The following BANP variants were observed in gnomAD, a reference collection of about 807,000 sequenced individuals.
BANP encodes protein BANP.
Under a neutral mutation model 68.1 loss-of-function variants are expected in BANP, and 11 were observed. The observed-to-expected ratio is 0.16, with a 90% CI of 0.10 to 0.27. The LOEUF (loss-of-function observed/expected upper bound fraction) is 0.27. Among genes scored for constraint, BANP ranks in the 10% least tolerant of loss-of-function variants. BANP has a pLI of 1.00. For synonymous variants in BANP, 329 were observed against 303.2 expected (o/e 1.09, Z -0.88); for missense variants, 504 against 722.7 (o/e 0.70, Z 3.47).
intron 11 of BANP, among the ~76,000 whole-genome samples, chr16:88,059,787 T>G (rs1478068692): frequency 6.6e-6 from 1 of 152,208 alleles, no homozygotes; most frequent in Non-Finnish European, 1.5e-5. Context: ...ACACATGCCA[T>G]GCCCCCTCCT....
At chr16:87,953,588 C>T (rs73240736) in intron 1 of BANP, among the ~76,000 whole-genome samples, 3,153 of 152,254 alleles carry the variant, frequency 0.021, 100 homozygotes, top group African/African-American at 0.071. Flanking sequence ...ACTCTTCTAT[C>T]CCCTGGACTG....
chr16:87,967,709 C>A (rs1055280697), intron 1 of BANP, among the ~76,000 whole-genome samples: 2 of 151,584 alleles, frequency 1.3e-5, no homozygotes, highest in African/African-American at 4.9e-5. Context: ...GCAGCCTCCG[C>A]CTCCTGGGTT....
At chr16:87,976,428 C>T (rs1292882588) in intron 2 of BANP, among the ~76,000 whole-genome samples, 2 of 148,830 alleles carry the variant, frequency 1.3e-5, no homozygotes, top group African/African-American at 5.0e-5. Context: ...GGAACTTCAT[C>T]TCTTCATCTG....
chr16:88,037,487 A>G lies in BANP; in HGVS notation c.1273-486A>G, dbSNP rs139532819. 105 of 158,272 alleles carry G rather than the reference A, an allele frequency of 6.6e-4. 3 individuals are homozygous for G. In the East Asian group the frequency reaches 0.018, roughly 27 times the overall value. The allele number at this position is 158,272 out of a possible 1,614,324, so 9.8% of individuals were successfully genotyped here. A position where few individuals can be genotyped will look rare whatever the true frequency, so the allele number is the denominator to read the frequency against. On this transcript the variant is annotated intron_variant, in intron 10 of 13. Transcript: ENST00000682872. The stretch of plus-strand genomic sequence containing the variant: ...ACAGACAACACAGTTCCTTTTTACA[A>G]CAAATGAAAATGAATTTCTAACTGG...
rs547398093 is a variant in BANP at position 87,994,593 on chromosome 16, A to G, written c.363-9702A>G. ...TATTAGGAAGAACATTTTAATGCCG[A>G]TTTATTTTTATCCCTGGGTATTTTT... On this transcript the variant is annotated intron_variant, in intron 4 of 13. Transcript: ENST00000682872. Among the ~76,000 whole-genome samples the G allele has an allele frequency of 7.8e-4, 119 of 152,248 alleles. 2 individuals are homozygous for G. Among genetic ancestry groups the G allele is most frequent in the Non-Finnish European group, 2.9e-4 (20 of 68,018 alleles).
At position 88,008,200 on chromosome 16, in the gene BANP, C is replaced by T. The variant is rs76404026; in HGVS notation, c.655+1935C>T. On this transcript the variant is annotated intron_variant, in intron 6 of 13. Coordinates refer to ENST00000682872, the MANE Select transcript of BANP (RefSeq NM_001386991.1). ...GTGATGTGCCGAGGTATGGATGGCC[C>T]TCATTCTGTTGATCCATCATCAGTT... Among the ~76,000 whole-genome samples, 1,414 of 152,284 alleles carry T rather than the reference C, an allele frequency of 9.3e-3. 37 individuals carry two copies. Among genetic ancestry groups the T allele is most frequent in the Admixed American group, 0.053 (817 of 15,286 alleles).
chr16:87,998,076 C>T (rs555325535), intron 4 of BANP, among the ~76,000 whole-genome samples: 4 of 152,298 alleles, frequency 2.6e-5, no homozygotes, highest in Admixed American at 1.3e-4. Flanking sequence ...TGTGAACCAG[C>T]GGGTCGAGAG....
At chr16:87,981,202 A>G in intron 3 of BANP, 75 bp downstream of exon 3, 3 of 1,088,682 alleles carry the variant, frequency 2.8e-6, no homozygotes, top group African/African-American at 1.5e-5. Flanking sequence ...ATCACCATCA[A>G]TGGGATGGCT....
intron 6 of BANP, among the ~76,000 whole-genome samples, chr16:88,012,179 G>C (rs2073327069): frequency 6.6e-6 from 1 of 152,222 alleles, no homozygotes; most frequent in African/African-American, 2.4e-5. Flanking sequence ...CCTGGCGCTG[G>C]AAGCATTTTG....
intron 4 of BANP, among the ~76,000 whole-genome samples, chr16:87,986,176 C>G (rs887695044): frequency 6.6e-6 from 1 of 152,162 alleles, no homozygotes; most frequent in South Asian, 2.1e-4. Context: ...CATTGAGAAC[C>G]ACTGTTTTAA....
chr16:87,984,396 A>T, intron 4 of BANP, 137 bp downstream of exon 4: 2 of 1,058,800 alleles, frequency 1.9e-6, no homozygotes, highest in Non-Finnish European at 1.4e-6. Context: ...AGCAGTTTCT[A>T]ACTAAAGCTG....
At chr16:88,046,334 C>T (rs912568591) in intron 11 of BANP, among the ~76,000 whole-genome samples, 18 of 152,154 alleles carry the variant, frequency 1.2e-4, no homozygotes, top group Admixed American at 5.2e-4. Flanking sequence ...ATGACCAGGA[C>T]GGAACCTTTT....
intron 11 of BANP, among the ~76,000 whole-genome samples, chr16:88,046,399 T>C (rs1280521573): frequency 6.6e-6 from 1 of 152,228 alleles, no homozygotes; most frequent in African/African-American, 2.4e-5. Context: ...CAAAGTTCAT[T>C]CTTTCACGTG....
At chr16:87,988,739 C>T (rs1446498765) in intron 4 of BANP, among the ~76,000 whole-genome samples, 1 of 152,192 alleles carries the variant, frequency 6.6e-6, no homozygotes, top group Non-Finnish European at 1.5e-5. Flanking sequence ...CCTTAAGGGG[C>T]TCTGAGTTGT....
intron 11 of BANP, among the ~76,000 whole-genome samples, chr16:88,042,483 G>A (rs367829689): frequency 2.0e-4 from 31 of 152,336 alleles, no homozygotes; most frequent in Middle Eastern, 6.8e-3. Flanking sequence ...TTCCACTCCA[G>A]TGCTATCTCT....
intron 1 of BANP, chr16:87,963,518 C>T (rs1228113830): frequency 6.6e-6 from 1 of 152,246 alleles, no homozygotes; most frequent in Non-Finnish European, 1.5e-5. Flanking sequence ...GAGCCCCGCT[C>T]TGGGAGGTGA....
chr16:87,965,203 G>A (rs73240777), intron 1 of BANP, among the ~76,000 whole-genome samples: 2,957 of 152,242 alleles, frequency 0.019, 84 homozygotes, highest in African/African-American at 0.067. Flanking sequence ...GGGAGGAGCC[G>A]GAATGAGCCC....
chr16:87,954,590 C>T lies in BANP; in HGVS notation c.-69+3075C>T, dbSNP rs73240741. Among the ~76,000 whole-genome samples the T allele has an allele frequency of 8.9e-3, 1,353 of 152,310 alleles. 26 individuals are homozygous for T. The highest frequency in any genetic ancestry group is 0.03 in the African/African-American group (1,248 of 41,562). ...TGCAGATATTTTCTCTGGGCTGTTC[C>T]GCTTCTTTAGGAAGGCCCCTTTGCT... On this transcript the variant is annotated intron_variant, in intron 1 of 13. Transcript: ENST00000682872.
chr16:88,014,775 T>C (rs2074077932), intron 6 of BANP, among the ~76,000 whole-genome samples: 1 of 152,030 alleles, frequency 6.6e-6, no homozygotes, highest in African/African-American at 2.4e-5. Flanking sequence ...CCCTTCCTGC[T>C]GCCTGCCTCG....
Sources: allele counts gnomAD v4.1 joint callset (sites outside exome capture counted in the v4.1 genomes callset), GRCh38; gene constraint gnomAD v4.1.1; transcripts MANE v1.5; gene names NCBI Gene and HGNC (gene_info 2026-07-23, HGNC 2026-07-21).